Variants in CHST9 observed in about 807,000 individuals in gnomAD.
CHST9 encodes the protein carbohydrate sulfotransferase 9, also known as GalNAc-4-sulfotransferase 2.
Under a neutral mutation model 44.4 loss-of-function variants are expected in CHST9, and 41 were observed. The observed-to-expected ratio is 0.92, with a 90% CI of 0.72 to 1.20. The LOEUF is 1.20. CHST9 is among the 50% of genes most tolerant of loss of function. The pLI is 0.00. For synonymous variants in CHST9, 171 were observed against 178.4 expected (o/e 0.96, Z 0.33); for missense variants, 504 against 516.5 (o/e 0.98, Z 0.23).
chr18:26,977,942 CAGG>C (rs1426899368), intron 4 of CHST9, among the ~76,000 whole-genome samples: 2 of 152,072 alleles, frequency 1.3e-5, no homozygotes, highest in Non-Finnish European at 2.9e-5. Context: ...ACAGGCTCAG[CAGG>C]AGTATAGAAA....
chr18:27,080,166 C>G (rs141662121), intron 2 of CHST9, among the ~76,000 whole-genome samples: 1 of 151,908 alleles, frequency 6.6e-6, no homozygotes, highest in Non-Finnish European at 1.5e-5. Context: ...CTGGCAAATA[C>G]TAAAATGACC....
intron 1 of CHST9, among the ~76,000 whole-genome samples, chr18:27,159,424 T>G (rs1216627736): frequency 5.3e-5 from 8 of 152,356 alleles, no homozygotes; most frequent in African/African-American, 1.9e-4. Flanking sequence ...GTTGTAGATA[T>G]GTGGCATTAT....
At chr18:27,000,589 T>C (rs1256796092) in intron 4 of CHST9, among the ~76,000 whole-genome samples, 1 of 149,160 alleles carries the variant, frequency 6.7e-6, no homozygotes, top group East Asian at 1.9e-4. Flanking sequence ...TTTTTCATTG[T>C]ACAGCACTTT....
intron 5 of CHST9, among the ~76,000 whole-genome samples, chr18:26,944,028 CA>C (rs946581652): frequency 2.0e-5 from 3 of 152,068 alleles, no homozygotes; most frequent in Admixed American, 6.5e-5. Context: ...ATGATAGTAT[CA>C]ATACAGAGGT....
At position 26,908,799 on chromosome 18, in the gene CHST9, T is replaced by C. The variant is rs778802582; in HGVS notation, c.*7460A>G. Reference sequence around the variant, plus strand: ...AATCCTTTAATGAAGTTCAAGAAAATATACATTATAACCATTTAAGTTAAA... The same window carrying C: ...AATCCTTTAATGAAGTTCAAGAAAACATACATTATAACCATTTAAGTTAAA... On this transcript the variant is annotated 3_prime_UTR_variant, in exon 6 of 6. Coordinates refer to ENST00000618847, the MANE Select transcript of CHST9 (RefSeq NM_031422.6). 1.3e-5 allele frequency: 2 copies of C among 152,148 alleles called. No individual in the cohort carries two copies. The highest frequency in any genetic ancestry group is 2.4e-5 in the African/African-American group (1 of 41,430). 9.4% of individuals were successfully genotyped at this position (152,148 alleles called of 1,614,324 possible).
chr18:27,024,290 G>T (rs573917753), intron 3 of CHST9, 133 bp from the exon 4 acceptor site: 10 of 685,574 alleles, frequency 1.5e-5, no homozygotes, highest in Admixed American at 3.0e-5. Flanking sequence ...AAGGGAGAGG[G>T]TCATGAAATA....
chr18:27,183,506 G>T (rs552399512), intron 1 of CHST9, among the ~76,000 whole-genome samples: 1 of 152,256 alleles, frequency 6.6e-6, no homozygotes, highest in Admixed American at 6.5e-5. Flanking sequence ...CTCATTTTCT[G>T]GAGGACGGTA....
At chr18:27,045,357 C>A (rs993050332) in intron 3 of CHST9, among the ~76,000 whole-genome samples, 3 of 151,926 alleles carry the variant, frequency 2.0e-5, no homozygotes, top group Non-Finnish European at 2.9e-5. Flanking sequence ...ACAAGAATTC[C>A]TCTTTGCACT....
intron 3 of CHST9, among the ~76,000 whole-genome samples, chr18:27,035,445 T>A (rs2057381071): frequency 6.6e-6 from 1 of 152,160 alleles, no homozygotes; most frequent in South Asian, 2.1e-4. Context: ...AATCTAAATG[T>A]CTACCAACAG....
At chr18:27,164,184 GACAAAACAAA>G (rs751316390) in intron 1 of CHST9, among the ~76,000 whole-genome samples, 12 of 151,942 alleles carry the variant, frequency 7.9e-5, no homozygotes, top group African/African-American at 2.7e-4. Flanking sequence ...AGAATGTGGG[GACAAAACAAA>G]ACAAAACAAA....
chr18:26,975,328 A>G (rs1454429051), intron 4 of CHST9, among the ~76,000 whole-genome samples: 1 of 152,062 alleles, frequency 6.6e-6, no homozygotes, highest in Non-Finnish European at 1.5e-5. Flanking sequence ...TGTTACATGC[A>G]GAAATTGTGC....
chr18:27,054,330 A>G (rs916175792), intron 2 of CHST9, among the ~76,000 whole-genome samples: 1 of 152,214 alleles, frequency 6.6e-6, no homozygotes. Flanking sequence ...GCTTTATTTT[A>G]TCACAGATTC....
At chr18:27,042,612 A>G (rs2057457567) in intron 3 of CHST9, among the ~76,000 whole-genome samples, 1 of 151,972 alleles carries the variant, frequency 6.6e-6, no homozygotes, top group Non-Finnish European at 1.5e-5. Context: ...TAACCTTCCC[A>G]ATCTCAGCTT....
At chr18:27,070,969 G>GGGCC (rs2057833174) in intron 2 of CHST9, among the ~76,000 whole-genome samples, 2 of 152,142 alleles carry the variant, frequency 1.3e-5, no homozygotes, top group Admixed American at 6.5e-5. Flanking sequence ...ACCCCACAGG[G>GGGCC]TCCTGTGGCC....
At chr18:26,939,752 C>A (rs1317397389) in intron 5 of CHST9, among the ~76,000 whole-genome samples, 1 of 152,142 alleles carries the variant, frequency 6.6e-6, no homozygotes, top group East Asian at 1.9e-4. Flanking sequence ...CAGGACGGAC[C>A]CTGGACTTAG....
At chr18:27,182,851 C>T (rs1231856118) in intron 1 of CHST9, among the ~76,000 whole-genome samples, 1 of 152,100 alleles carries the variant, frequency 6.6e-6, no homozygotes, top group African/African-American at 2.4e-5. Context: ...ATATGCAATA[C>T]TGATGTGGGA....
At chr18:27,104,030 T>C (rs527959494) in intron 2 of CHST9, among the ~76,000 whole-genome samples, 13 of 152,152 alleles carry the variant, frequency 8.5e-5, no homozygotes, top group Non-Finnish European at 1.8e-4. Flanking sequence ...GTGCATTAAA[T>C]ATATAATATG....
chr18:27,049,404 T>C (rs1369329659), intron 2 of CHST9, among the ~76,000 whole-genome samples: 1 of 152,148 alleles, frequency 6.6e-6, no homozygotes, highest in Admixed American at 6.6e-5. Flanking sequence ...TTAGACCTAC[T>C]GACTTTGAAG....
chr18:27,030,511 C>T (rs2840349), intron 3 of CHST9, among the ~76,000 whole-genome samples: 59,353 of 152,044 alleles, frequency 0.39, 12,046 homozygotes, highest in East Asian at 0.5. Flanking sequence ...GCTTAAAAGA[C>T]GGCGAGATGC....
Sources: gnomAD v4.1 joint callset for allele counts (sites outside exome capture counted in the v4.1 genomes callset) on GRCh38, gnomAD v4.1.1 for gene constraint, MANE v1.5 for transcripts, NCBI Gene and HGNC (gene_info 2026-07-23, HGNC 2026-07-21) for gene names.